The following SLC17A6 variants were observed in gnomAD, a reference collection of about 807,000 sequenced individuals.
SLC17A6 encodes vesicular glutamate transporter 2.
Under a neutral mutation model 67.1 loss-of-function variants are expected in SLC17A6, and 35 were observed. That is an observed-to-expected ratio of 0.52 (90% CI 0.40 to 0.69). SLC17A6 has a LOEUF of 0.69. Ranked by LOEUF, SLC17A6 falls within the 30% of genes least tolerant of loss-of-function variation. The pLI is 0.00. For missense variants in SLC17A6, 588 were observed against 723.9 expected (o/e 0.81, Z 2.15); for synonymous variants, 285 against 252.3 (o/e 1.13, Z -1.23).
intron 3 of SLC17A6, among the ~76,000 whole-genome samples, chr11:22,352,085 C>G (rs1191434887): frequency 6.9e-6 from 1 of 145,106 alleles, no homozygotes; most frequent in Non-Finnish European, 1.5e-5. Flanking sequence ...CTTATCGCCT[C>G]TGAAGCATTA....
At chr11:22,377,248 A>G (rs985360404) in intron 11 of SLC17A6, among the ~76,000 whole-genome samples, 157 bp from the exon 12 acceptor site, 1 of 152,242 alleles carries the variant, frequency 6.6e-6, no homozygotes, top group Non-Finnish European at 1.5e-5. Flanking sequence ...ATAGTATTAC[A>G]GAAGTGTTAT....
At chr11:22,350,888 A>T (rs897159454) in intron 3 of SLC17A6, among the ~76,000 whole-genome samples, 2 of 152,190 alleles carry the variant, frequency 1.3e-5, no homozygotes, top group Non-Finnish European at 2.9e-5. Context: ...TACTGAGTTT[A>T]CTGTTAAAAA....
intron 8 of SLC17A6, among the ~76,000 whole-genome samples, chr11:22,371,648 T>G (rs1477462998): frequency 6.6e-6 from 1 of 152,008 alleles, no homozygotes; most frequent in Non-Finnish European, 1.5e-5. Context: ...TGAAACTGTG[T>G]GGTCATTTTG....
intron 6 of SLC17A6, 47 bp from the exon 7 acceptor site, chr11:22,365,500 C>T (rs778430551): frequency 1.3e-6 from 2 of 1,599,824 alleles, no homozygotes; most frequent in South Asian, 1.1e-5. Context: ...TGCAGCACAT[C>T]ACTGTTAAAT....
intron 3 of SLC17A6, among the ~76,000 whole-genome samples, chr11:22,356,550 A>G (rs1308767942): frequency 6.6e-6 from 1 of 152,214 alleles, no homozygotes; most frequent in Non-Finnish European, 1.5e-5. Flanking sequence ...AAAGAAATTA[A>G]GAGACCAGGC....
chr11:22,369,798 A>C (rs1856155235), intron 7 of SLC17A6, among the ~76,000 whole-genome samples: 1 of 152,010 alleles, frequency 6.6e-6, no homozygotes, highest in Non-Finnish European at 1.5e-5. Flanking sequence ...AATCCTGCAT[A>C]TTCCTAAAGC....
chr11:22,366,707 G>A (rs1370205577), intron 7 of SLC17A6, among the ~76,000 whole-genome samples: 1 of 152,088 alleles, frequency 6.6e-6, no homozygotes, highest in East Asian at 1.9e-4. Flanking sequence ...ATTTTAAAAA[G>A]GTGGCTGGGC....
At chr11:22,377,109 T>C (rs896146950) in intron 11 of SLC17A6, among the ~76,000 whole-genome samples, 46 of 151,912 alleles carry the variant, frequency 3.0e-4, no homozygotes, top group Non-Finnish European at 5.9e-4. Flanking sequence ...ACAAAGGAAA[T>C]GGAATAAAAA....
At position 22,356,990 on chromosome 11, in the gene SLC17A6, A is replaced by G. The variant is rs1245525534; in HGVS notation, c.459-2423A>G. Among the ~76,000 whole-genome samples, 10 of 152,344 alleles carry G rather than the reference A, an allele frequency of 6.6e-5. No homozygotes were observed. The East Asian group carries it at 1.9e-3, about 29-fold the overall frequency. On this transcript the variant is annotated intron_variant, in intron 3 of 11. Coordinates refer to ENST00000263160, the MANE Select transcript of SLC17A6 (RefSeq NM_020346.3). ...AGTGTGATATCAAGTGGCTTTGTGAAGATTATCATTTAAATTTACAGTTTG... is the reference window on the plus strand; with the variant it reads ...AGTGTGATATCAAGTGGCTTTGTGAGGATTATCATTTAAATTTACAGTTTG...
intron 9 of SLC17A6, 124 bp downstream of exon 9, chr11:22,375,011 C>A: frequency 1.0e-6 from 1 of 980,016 alleles, no homozygotes; most frequent in Non-Finnish European, 1.4e-6. Flanking sequence ...CTTCATTATT[C>A]ACTTAAAATA....
chr11:22,341,741 C>A lies in SLC17A6; in HGVS notation c.300C>A (p.Asn100Lys). ...NLGVAIVDMV[N>K]NSTIHRGGKV... ...GCGTGGCCATTGTGGACATGGTCAA[C>A]AACAGCACCATCCACCGCGGGGGCA... is the stretch of plus-strand genomic sequence containing the variant. The change falls in exon 2 of 12, where the codon AAC becomes AAA. Residue 100 changes from asparagine to lysine, a missense_variant. Coordinates refer to ENST00000263160, the MANE Select transcript of SLC17A6 (RefSeq NM_020346.3). The A allele has an allele frequency of 6.2e-7, 1 of 1,614,226 alleles. No homozygotes were observed. Among genetic ancestry groups the A allele is most frequent in the South Asian group, 1.1e-5 (1 of 91,092 alleles).
chr11:22,359,535 A>G lies in SLC17A6; in HGVS notation c.573+8A>G, dbSNP rs879723049. On this transcript the variant is annotated splice_region_variant and intron_variant, in intron 4 of 11. Transcript: ENST00000263160. ...CTGCAGGGACTTGTTGAGGTATGTA[A>G]CTTCAGGGTGAAGCCTTTTTAAGAT... 6.5e-7 allele frequency: 1 copy of G among 1,541,040 alleles called. No individual in the cohort carries two copies. The highest frequency in any genetic ancestry group is 8.8e-7 in the Non-Finnish European group (1 of 1,138,672).
chr11:22,355,001 T>C (rs948967382), intron 3 of SLC17A6, among the ~76,000 whole-genome samples: 1 of 152,210 alleles, frequency 6.6e-6, no homozygotes, highest in Non-Finnish European at 1.5e-5. Context: ...CTAACAGTAA[T>C]CCTAAGAGAT....
intron 7 of SLC17A6, 46 bp downstream of exon 7, chr11:22,365,735 G>T (rs200666336): frequency 6.4e-7 from 1 of 1,558,170 alleles, no homozygotes. Context: ...TTCCCATCTC[G>T]CCCCCATTGA....
Position 22,362,803 on chromosome 11 carries a change from G to GT in SLC17A6, c.727dup (p.Ser243PhefsTer24). The GT allele has an allele frequency of 6.2e-7, 1 of 1,613,626 alleles. No individual in the cohort carries two copies. The highest frequency in any genetic ancestry group is 8.5e-7 in the Non-Finnish European group (1 of 1,179,614). ...GCATTCTTGTGCAGTACACTGGCTG[G>GT]TCTTCAGTGTTTTATGTCTACGGTA... On this transcript the variant is annotated frameshift_variant, in exon 6 of 12. Coordinates refer to ENST00000263160, the MANE Select transcript of SLC17A6 (RefSeq NM_020346.3). LOFTEE classifies it high-confidence loss of function.
At chr11:22,360,481 A>G (rs1024023503) in intron 4 of SLC17A6, among the ~76,000 whole-genome samples, 7 of 151,982 alleles carry the variant, frequency 4.6e-5, no homozygotes, top group African/African-American at 1.7e-4. Flanking sequence ...CAGAACTTAA[A>G]AAAATAATAA....
At chr11:22,342,989 C>G in intron 2 of SLC17A6, 1 of 567,476 alleles carries the variant, frequency 1.8e-6, no homozygotes. Context: ...TCAGATGATT[C>G]GATCTGCCTG....
chr11:22,365,437 T>G, intron 6 of SLC17A6, 110 bp from the exon 7 acceptor site: 2 of 1,262,870 alleles, frequency 1.6e-6, no homozygotes, highest in Non-Finnish European at 2.3e-6. Flanking sequence ...AACATAAGCT[T>G]GAATTCTTCT....
At chr11:22,352,994 C>T (rs1039615252) in intron 3 of SLC17A6, among the ~76,000 whole-genome samples, 1 of 152,156 alleles carries the variant, frequency 6.6e-6, no homozygotes, top group Non-Finnish European at 1.5e-5. Context: ...GCTAGAATTT[C>T]AGCCTGATAT....
Sources: allele counts gnomAD v4.1 joint callset (sites outside exome capture counted in the v4.1 genomes callset), GRCh38; gene constraint gnomAD v4.1.1; transcripts MANE v1.5; gene names NCBI Gene and HGNC (gene_info 2026-07-23, HGNC 2026-07-21).